APBA1: variants seen among roughly 807,000 people sequenced by gnomAD.
APBA1 encodes the protein amyloid-beta A4 precursor protein-binding family A member 1.
A neutral mutation model predicts 86.6 loss-of-function variants in APBA1; 55 were observed. The observed-to-expected ratio is 0.64, with a 90% CI of 0.51 to 0.80. APBA1 has a LOEUF of 0.80. Among genes scored for constraint, APBA1 ranks in the 30% least tolerant of loss-of-function variants. The probability of loss-of-function intolerance (pLI) is 0.00; values close to 1 mark genes in which losing one functional copy is unlikely to be tolerated. For synonymous variants in APBA1, 511 were observed against 493.9 expected (o/e 1.03, Z -0.46); for missense variants, 1,090 against 1,183.0 (o/e 0.92, Z 1.15).
chr9:69,445,889 C>T (rs372037356), intron 10 of APBA1, among the ~76,000 whole-genome samples: 15 of 152,268 alleles, frequency 9.9e-5, no homozygotes, highest in South Asian at 4.1e-4. Context: ...CCATCCCCGC[C>T]GCAAAGCCTG....
intron 1 of APBA1, among the ~76,000 whole-genome samples, chr9:69,580,170 T>C (rs1189807732): frequency 1.3e-5 from 2 of 152,186 alleles, no homozygotes; most frequent in African/African-American, 4.8e-5. Flanking sequence ...TGGTGCTGTT[T>C]TGCTTGCCAA....
intron 1 of APBA1, among the ~76,000 whole-genome samples, chr9:69,543,280 C>G (rs1331909416): frequency 9.9e-4 from 5 of 5,046 alleles, no homozygotes; most frequent in South Asian, 3.2e-3. Flanking sequence ...GGGATTTCCC[C>G]CCCCCCCCCC....
At chr9:69,598,562 T>C (rs1240716855) in intron 1 of APBA1, among the ~76,000 whole-genome samples, 1 of 150,974 alleles carries the variant, frequency 6.6e-6, no homozygotes, top group Non-Finnish European at 1.5e-5. Flanking sequence ...GTGGGGGTGG[T>C]GGTGATAGGA....
intron 1 of APBA1, among the ~76,000 whole-genome samples, chr9:69,521,199 A>C (rs1421914970): frequency 6.6e-6 from 1 of 151,970 alleles, no homozygotes; most frequent in Admixed American, 6.6e-5. Flanking sequence ...TGATCTTTGC[A>C]CTCTAGCTCT....
At chr9:69,649,903 C>T (rs1823465249) in intron 1 of APBA1, among the ~76,000 whole-genome samples, 1 of 152,010 alleles carries the variant, frequency 6.6e-6, no homozygotes, top group South Asian at 2.1e-4. Flanking sequence ...TAGTGACAGC[C>T]GGTTGGCATC....
intron 2 of APBA1, among the ~76,000 whole-genome samples, chr9:69,496,995 A>G (rs1835809493): frequency 6.6e-6 from 1 of 152,084 alleles, no homozygotes; most frequent in Non-Finnish European, 1.5e-5. Context: ...TAAGACTTAA[A>G]ATCACTAGTC....
At chr9:69,544,535 T>C (rs56747493) in intron 1 of APBA1, among the ~76,000 whole-genome samples, 6,249 of 152,260 alleles carry the variant, frequency 0.041, 460 homozygotes, top group African/African-American at 0.14. Flanking sequence ...CTGTTGAACA[T>C]CCCAGCCAAT....
chr9:69,649,482 G>T (rs1472019656), intron 1 of APBA1, among the ~76,000 whole-genome samples: 1 of 151,986 alleles, frequency 6.6e-6, no homozygotes, highest in Non-Finnish European at 1.5e-5. Flanking sequence ...CACAGGACCA[G>T]GTCTTCCTGC....
rs563746049 is a variant in APBA1 at position 69,561,796 on chromosome 9, T to C, written c.-69-44517A>G. Among the ~76,000 whole-genome samples, 46 of 152,168 alleles carry C rather than the reference T, an allele frequency of 3.0e-4. 2 individuals are homozygous for C. The East Asian group carries it at 7.5e-3, about 25-fold the overall frequency. ...CAGGTGCACTGTGCCTGGCTAATTT[T>C]TGTATTTTTCAGTAGAGACAGGGTT... is the stretch of plus-strand genomic sequence containing the variant. On this transcript the variant is annotated intron_variant, in intron 1 of 12. Transcript: ENST00000265381.
chr9:69,599,127 G>T (rs910605840), intron 1 of APBA1, among the ~76,000 whole-genome samples: 2 of 152,176 alleles, frequency 1.3e-5, no homozygotes, highest in African/African-American at 4.8e-5. Context: ...AAGATGAAGA[G>T]CTCTAAGGTC....
At chr9:69,570,907 T>A (rs1042037238) in intron 1 of APBA1, among the ~76,000 whole-genome samples, 3 of 152,200 alleles carry the variant, frequency 2.0e-5, no homozygotes, top group African/African-American at 7.2e-5. Flanking sequence ...AGAAAGAAAT[T>A]CAAGTTAATA....
intron 1 of APBA1, among the ~76,000 whole-genome samples, chr9:69,641,418 T>A (rs1823284696): frequency 6.6e-6 from 1 of 152,152 alleles, no homozygotes; most frequent in Non-Finnish European, 1.5e-5. Flanking sequence ...AAAAGTTATA[T>A]GGAAATGCTA....
intron 1 of APBA1, among the ~76,000 whole-genome samples, chr9:69,520,903 A>G (rs1485219509): frequency 6.6e-6 from 1 of 152,132 alleles, no homozygotes; most frequent in Non-Finnish European, 1.5e-5. Flanking sequence ...CCTCCAGTCC[A>G]TCCTCCCCAC....
intron 1 of APBA1, among the ~76,000 whole-genome samples, chr9:69,614,953 C>G (rs937517835): frequency 6.6e-6 from 1 of 152,168 alleles, no homozygotes; most frequent in Non-Finnish European, 1.5e-5. Context: ...AATCCCAGCA[C>G]GTTGGAGGGC....
chr9:69,604,897 G>T (rs1822441049), intron 1 of APBA1, among the ~76,000 whole-genome samples: 1 of 152,038 alleles, frequency 6.6e-6, no homozygotes, highest in South Asian at 2.1e-4. Flanking sequence ...AGGGTAAGAG[G>T]AGAGGCACAC....
chr9:69,444,106 C>A (rs1834869367), intron 10 of APBA1, among the ~76,000 whole-genome samples: 1 of 152,182 alleles, frequency 6.6e-6, no homozygotes, highest in Admixed American at 6.5e-5. Context: ...GCTCTGAATT[C>A]CTCTGCTTTC....
At chr9:69,490,804 A>G (rs1835696225) in intron 2 of APBA1, among the ~76,000 whole-genome samples, 1 of 152,166 alleles carries the variant, frequency 6.6e-6, no homozygotes, top group Non-Finnish European at 1.5e-5. Flanking sequence ...GGATATGAAC[A>G]GACACATCTC....
intron 1 of APBA1, among the ~76,000 whole-genome samples, chr9:69,552,551 A>T (rs1836802726): frequency 6.6e-6 from 1 of 152,244 alleles, no homozygotes; most frequent in South Asian, 2.1e-4. Context: ...AAATTGAAAT[A>T]TCAATGCATC....
intron 1 of APBA1, among the ~76,000 whole-genome samples, chr9:69,626,977 C>G: frequency 6.6e-6 from 1 of 151,958 alleles, no homozygotes; most frequent in East Asian, 1.9e-4. Context: ...ATTTCTACCT[C>G]AGTAATTTTG....
Sources: allele counts gnomAD v4.1 joint callset (sites outside exome capture counted in the v4.1 genomes callset), GRCh38; gene constraint gnomAD v4.1.1; transcripts MANE v1.5; gene names NCBI Gene and HGNC (gene_info 2026-07-23, HGNC 2026-07-21).